GALNT10: variants seen among roughly 807,000 people sequenced by gnomAD.
GALNT10 encodes polypeptide N-acetylgalactosaminyltransferase 10, also known as GalNAc transferase 10.
GALNT10 carries 41 observed loss-of-function variants against 75.0 expected under a neutral mutation model. The observed-to-expected ratio is 0.55, with a 90% CI of 0.43 to 0.71. The LOEUF is 0.71. Among genes scored for constraint, GALNT10 ranks in the 30% least tolerant of loss-of-function variants. The pLI is 0.00. For synonymous variants in GALNT10, 302 were observed against 313.0 expected, an observed-to-expected ratio of 0.96 and a Z score of 0.37; for missense variants, 727 against 818.5, an observed-to-expected ratio of 0.89 and a Z score of 1.36.
chr5:154,411,835 A>G (rs1241973440), intron 9 of GALNT10, among the ~76,000 whole-genome samples: 1 of 152,236 alleles, frequency 6.6e-6, no homozygotes, highest in African/African-American at 2.4e-5. Flanking sequence ...GAGAGGAAAA[A>G]TGAAGACACC....
chr5:154,279,015 T>C (rs1303492837), intron 1 of GALNT10, among the ~76,000 whole-genome samples: 4 of 152,244 alleles, frequency 2.6e-5, no homozygotes, highest in African/African-American at 9.6e-5. Context: ...AACATTGGCC[T>C]AGGAATGTCT....
chr5:154,380,350 A>C (rs1428628097), intron 5 of GALNT10, 98 bp from the exon 6 acceptor site: 2 of 953,358 alleles, frequency 2.1e-6, no homozygotes, highest in Middle Eastern at 4.4e-4. Context: ...CTGAGGGTTC[A>C]GAGATGTTAA....
chr5:154,305,144 A>G (rs1480023401), intron 3 of GALNT10, among the ~76,000 whole-genome samples: 3 of 152,074 alleles, frequency 2.0e-5, no homozygotes, highest in African/African-American at 4.8e-5. Context: ...AAAAAAATAT[A>G]TATTAGCCAG....
At chr5:154,345,204 T>C (rs1755102470) in intron 4 of GALNT10, among the ~76,000 whole-genome samples, 2 of 152,158 alleles carry the variant, frequency 1.3e-5, no homozygotes, top group Admixed American at 6.5e-5. Context: ...ATATTTAAGG[T>C]GTACAATGTG....
At chr5:154,398,608 C>CA (rs202125891) in intron 7 of GALNT10, among the ~76,000 whole-genome samples, 6 of 152,152 alleles carry the variant, frequency 3.9e-5, no homozygotes, top group Non-Finnish European at 8.8e-5. Context: ...GGTGGAAGAG[C>CA]AGCCCTTCTA....
intron 1 of GALNT10, among the ~76,000 whole-genome samples, chr5:154,198,863 C>T (rs886336834): frequency 6.6e-6 from 1 of 152,202 alleles, no homozygotes; most frequent in Non-Finnish European, 1.5e-5. Context: ...TTCTTCCCTG[C>T]AGCCTTGCCC....
At chr5:154,228,385 A>T (rs934541953) in intron 1 of GALNT10, among the ~76,000 whole-genome samples, 1 of 152,164 alleles carries the variant, frequency 6.6e-6, no homozygotes, top group African/African-American at 2.4e-5. Flanking sequence ...TTGCCCATAT[A>T]TGCATATGTA....
intron 1 of GALNT10, among the ~76,000 whole-genome samples, chr5:154,204,674 G>A (rs1775080266): frequency 6.6e-6 from 1 of 152,146 alleles, no homozygotes; most frequent in Non-Finnish European, 1.5e-5. Context: ...GATTATAGAA[G>A]GACTGGTTCC....
At chr5:154,208,341 G>A (rs182291356) in intron 1 of GALNT10, among the ~76,000 whole-genome samples, 8 of 152,222 alleles carry the variant, frequency 5.3e-5, no homozygotes, top group African/African-American at 1.7e-4. Context: ...TAGCCTTCAC[G>A]CTGGCTTCCT....
Position 154,402,128 on chromosome 5 carries a change from G to A in GALNT10, c.1057-1976G>A, listed in dbSNP as rs1756179805. Among the ~76,000 whole-genome samples, 2 of 152,200 alleles carry A rather than the reference G, an allele frequency of 1.3e-5. No homozygotes were observed. The highest frequency in any genetic ancestry group is 1.3e-4 in the Admixed American group (2 of 15,284). On this transcript the variant is annotated intron_variant, in intron 7 of 11. Coordinates refer to ENST00000297107, the MANE Select transcript of GALNT10 (RefSeq NM_198321.4). This position sits in a 1 kb window ranked among gnomAD's most constrained non-coding sequence, Gnocchi z 4.2. The stretch of plus-strand genomic sequence containing the variant: ...AGAGTCATCTTTGTAAGATGTAAGT[G>A]GATTGTGTGTCTCCCTCACTGAAGA...
intron 1 of GALNT10, among the ~76,000 whole-genome samples, chr5:154,205,922 A>G (rs1458850997): frequency 6.6e-6 from 1 of 152,224 alleles, no homozygotes; most frequent in Non-Finnish European, 1.5e-5. Context: ...ACTGTGACGC[A>G]ATAAATTTCT....
At chr5:154,268,917 G>A (rs754145761) in intron 1 of GALNT10, among the ~76,000 whole-genome samples, 3 of 152,032 alleles carry the variant, frequency 2.0e-5, no homozygotes, top group African/African-American at 7.3e-5. Context: ...CGAAAGGATT[G>A]CTTGAGACCA....
intron 1 of GALNT10, among the ~76,000 whole-genome samples, chr5:154,202,461 T>C (rs1775041752): frequency 6.6e-6 from 1 of 152,212 alleles, no homozygotes; most frequent in African/African-American, 2.4e-5. Flanking sequence ...CCCATCTCAG[T>C]TCATCAGCAC....
intron 1 of GALNT10, among the ~76,000 whole-genome samples, chr5:154,222,235 GT>G (rs34297252): frequency 0.17 from 25,019 of 143,428 alleles, 2,257 homozygotes; most frequent in Middle Eastern, 0.26. Context: ...CTTTTTGCCT[GT>G]TTTTTTTTTT....
At chr5:154,355,972 T>C (rs1016572239) in intron 4 of GALNT10, among the ~76,000 whole-genome samples, 1 of 152,206 alleles carries the variant, frequency 6.6e-6, no homozygotes, top group Admixed American at 6.5e-5. Context: ...TTCCAGGTCA[T>C]AGACCGAGTA....
At chr5:154,297,155 GA>G (rs1309466389) in intron 2 of GALNT10, among the ~76,000 whole-genome samples, 2 of 152,066 alleles carry the variant, frequency 1.3e-5, no homozygotes, top group Non-Finnish European at 2.9e-5. Context: ...ATGCACCTGG[GA>G]ACCTAGAGAA....
intron 1 of GALNT10, among the ~76,000 whole-genome samples, chr5:154,213,202 T>A (rs539215239): frequency 6.6e-5 from 10 of 152,338 alleles, no homozygotes; most frequent in African/African-American, 2.4e-4. Context: ...TATGCTCTCC[T>A]TGAGTTCTTT....
chr5:154,389,557 G>A (rs1197461075), intron 7 of GALNT10: 1 of 150,522 alleles, frequency 6.6e-6, no homozygotes, highest in Non-Finnish European at 1.5e-5. Context: ...ACTCTAATCT[G>A]GGCGACAAAG....
At chr5:154,392,003 G>A (rs1174940047) in intron 7 of GALNT10, among the ~76,000 whole-genome samples, 1 of 152,186 alleles carries the variant, frequency 6.6e-6, no homozygotes, top group Non-Finnish European at 1.5e-5. Context: ...GGAAGGTGGG[G>A]ATGGGCTAGT....
Sources: allele counts gnomAD v4.1 joint callset (sites outside exome capture counted in the v4.1 genomes callset), GRCh38; gene constraint gnomAD v4.1.1; non-coding constraint Gnocchi (gnomAD v3.1); transcripts MANE v1.5; gene names NCBI Gene and HGNC (gene_info 2026-07-23, HGNC 2026-07-21).